Variants in PPP1R1B observed in about 807,000 individuals in gnomAD.
PPP1R1B encodes the protein protein phosphatase 1 regulatory inhibitor subunit 1B.
PPP1R1B carries 13 observed loss-of-function variants against 28.2 expected under a neutral mutation model. The observed-to-expected ratio is 0.46, with a 90% CI of 0.30 to 0.73. PPP1R1B has a LOEUF of 0.73. Ranked by LOEUF, PPP1R1B falls within the 30% of genes least tolerant of loss-of-function variation. PPP1R1B has a pLI of 0.07. For missense variants in PPP1R1B, 236 were observed against 256.7 expected, an observed-to-expected ratio of 0.92 and a Z score of 0.55; for synonymous variants, 102 against 97.5, an observed-to-expected ratio of 1.05 and a Z score of -0.27.
chr17:39,627,374 A>G lies in PPP1R1B; in HGVS notation c.-19A>G. 6.4e-7 allele frequency: 1 copy of G among 1,567,632 alleles called. No individual in the cohort carries two copies. On this transcript the variant is annotated 5_prime_UTR_variant, in exon 1 of 7. Coordinates refer to ENST00000254079, the MANE Select transcript of PPP1R1B (RefSeq NM_032192.4). ...ACCCCGAGTCGCGCACCCCAGCCCCACCGCCCACCCCGCGCGCCATGGACC... is the reference window on the plus strand; with the variant it reads ...ACCCCGAGTCGCGCACCCCAGCCCCGCCGCCCACCCCGCGCGCCATGGACC...
chr17:39,629,400 G>A (rs935354696), intron 2 of PPP1R1B, 140 bp from the exon 3 acceptor site: 8 of 1,301,314 alleles, frequency 6.1e-6, no homozygotes, highest in East Asian at 2.3e-5. Flanking sequence ...CCTCCCAGCC[G>A]CAGGAGGGAG....
At chr17:39,629,328 A>C in intron 2 of PPP1R1B, 98 bp downstream of exon 2, 1 of 1,377,390 alleles carries the variant, frequency 7.3e-7, no homozygotes. Flanking sequence ...TCAAAGCTGG[A>C]GACTGGGGAG....
At chr17:39,630,829 G>A (rs2056871796) in intron 4 of PPP1R1B, among the ~76,000 whole-genome samples, 1 of 152,246 alleles carries the variant, frequency 6.6e-6, no homozygotes, top group Non-Finnish European at 1.5e-5. Context: ...CAGCACTTTG[G>A]GAGGCCGAGG....
intron 5 of PPP1R1B, among the ~76,000 whole-genome samples, chr17:39,634,755 A>C (rs984194397): frequency 6.6e-6 from 1 of 152,272 alleles, no homozygotes; most frequent in Non-Finnish European, 1.5e-5. Context: ...CATATCTGGC[A>C]GTGAAGAGAT....
rs921638810 is a variant in PPP1R1B at position 39,635,976 on chromosome 17, G to A, written c.*111G>A. On this transcript the variant is annotated 3_prime_UTR_variant, in exon 7 of 7. Coordinates refer to ENST00000254079, the MANE Select transcript of PPP1R1B (RefSeq NM_032192.4). ...TCTTCCCCTCGCCTGCTAGGGCTGC[G>A]GCTTCTGACTTCTAGAAGACTAAGG... The A allele has an allele frequency of 9.1e-6, 11 of 1,210,398 alleles. No homozygotes were observed. Among genetic ancestry groups the A allele is most frequent in the African/African-American group, 7.5e-5 (5 of 66,266 alleles). The allele number at this position is 1,210,398 out of a possible 1,614,324, so 75.0% of individuals were successfully genotyped here.
chr17:39,634,078 G>A lies in PPP1R1B; in HGVS notation c.437G>A (p.Arg146Lys), dbSNP rs180955049. 4 of 1,613,832 alleles carry A rather than the reference G, an allele frequency of 2.5e-6. No individual in the cohort carries two copies. The African/African-American group carries it at 5.3e-5, about 22-fold the overall frequency. ...DSQAEVLKVI[R>K]QSAGQKTTCG... ...CAGGCTGAAGTCCTGAAGGTCATCA[G>A]GCAGTCTGGTAAGCTGAGGGGCCTG... Residue 146 changes from arginine to lysine, a missense_variant, in exon 5 of 7, where the codon AGG becomes AAG. By Grantham distance (26) the Arg-to-Lys change is conservative. Transcript: ENST00000254079.
intron 1 of PPP1R1B, among the ~76,000 whole-genome samples, chr17:39,628,884 A>T (rs1017177676): frequency 2.0e-5 from 3 of 152,194 alleles, no homozygotes; most frequent in Non-Finnish European, 4.4e-5. Context: ...TGGAGTAGCC[A>T]TGGAGTGGGA....
chr17:39,630,170 C>T lies in PPP1R1B; in HGVS notation c.241+123C>T, dbSNP rs141350234. 2,771 of 938,068 alleles carry T rather than the reference C, an allele frequency of 3.0e-3. 58 individuals carry two copies. In the Middle Eastern group the frequency reaches 0.079, roughly 27 times the overall value. 58.1% of individuals were successfully genotyped at this position (938,068 alleles called of 1,614,324 possible). Reference sequence around the variant, plus strand: ...CACACATAGCCCGCTGTCAGCGTGGCGCAACAACCCAACGTAAAGACCAAT... The same window carrying T: ...CACACATAGCCCGCTGTCAGCGTGGTGCAACAACCCAACGTAAAGACCAAT... On this transcript the variant is annotated intron_variant, in intron 4 of 6. Coordinates refer to ENST00000254079, the MANE Select transcript of PPP1R1B (RefSeq NM_032192.4).
chr17:39,635,870 C>T lies in PPP1R1B; in HGVS notation c.*5C>T. 3.1e-6 allele frequency: 5 copies of T among 1,612,444 alleles called. No homozygotes were observed. Among genetic ancestry groups the T allele is most frequent in the Non-Finnish European group, 4.2e-6 (5 of 1,179,924 alleles). ...CCCTCTGAGCCTGGCACATAGGCAC[C>T]CAGCCTGCATCTCCCAGGAGGAAGT... On this transcript the variant is annotated 3_prime_UTR_variant, in exon 7 of 7. Coordinates refer to ENST00000254079, the MANE Select transcript of PPP1R1B (RefSeq NM_032192.4).
intron 4 of PPP1R1B, chr17:39,630,324 C>T (rs973993651): frequency 9.0e-6 from 4 of 445,272 alleles, no homozygotes; most frequent in Non-Finnish European, 1.7e-5. Context: ...CAGGCATCCG[C>T]GTGGAAGGGA....
intron 4 of PPP1R1B, among the ~76,000 whole-genome samples, chr17:39,631,561 C>T (rs1291032637): frequency 2.0e-5 from 3 of 151,998 alleles, no homozygotes; most frequent in Non-Finnish European, 4.4e-5. Context: ...TCCGCTCCTG[C>T]GGAGGTTGGG....
At position 39,634,057 on chromosome 17, in the gene PPP1R1B, C is replaced by A. The variant is rs1421049807; in HGVS notation, c.416C>A (p.Ala139Asp). 2 of 1,613,894 alleles carry A rather than the reference C, an allele frequency of 1.2e-6. No homozygotes were observed. ...GAGGAAGAAGAAGAGGACAGCCAGGCTGAAGTCCTGAAGGTCATCAGGCAG... is the reference window on the plus strand; with the variant it reads ...GAGGAAGAAGAAGAGGACAGCCAGGATGAAGTCCTGAAGGTCATCAGGCAG... ...EEEEEEEDSQ[A>D]EVLKVIRQSA... Residue 139 changes from alanine to aspartate, a missense_variant, in exon 5 of 7, where the codon GCT becomes GAT. Transcript: ENST00000254079.
intron 1 of PPP1R1B, chr17:39,628,782 T>C: frequency 3.3e-6 from 3 of 896,160 alleles, no homozygotes; most frequent in Non-Finnish European, 4.1e-6. Flanking sequence ...GCTGGAGCTG[T>C]AGCCAGCTTT....
chr17:39,629,677 G>C, intron 3 of PPP1R1B, 115 bp downstream of exon 3: 1 of 1,055,266 alleles, frequency 9.5e-7, no homozygotes, highest in Non-Finnish European at 1.4e-6. Context: ...GGACACATTA[G>C]CATATCAATG....
At chr17:39,632,985 C>G (rs1234725652) in intron 4 of PPP1R1B, 1 of 152,730 alleles carries the variant, frequency 6.5e-6, no homozygotes, top group Non-Finnish European at 1.5e-5. Flanking sequence ...GTTCTAAGAT[C>G]CTGCCAGCTC....
Position 39,633,922 on chromosome 17 carries a change from G to A in PPP1R1B, c.281G>A (p.Ser94Asn), listed in dbSNP as rs2056896961. The A allele has an allele frequency of 1.2e-6, 2 of 1,613,918 alleles. No individual in the cohort carries two copies. The highest frequency in any genetic ancestry group is 1.7e-6 in the Non-Finnish European group (2 of 1,179,876). ...GCTGAGTCTCACCTGCAGTCTATCA[G>A]CAATTTGAATGAGAACCAGGCCTCA... Reference protein sequence around the residue: ...RIAESHLQSISNLNENQASEE... With the variant: ...RIAESHLQSINNLNENQASEE... The change falls in exon 5 of 7, where the codon AGC (serine) becomes AAC (asparagine). Residue 94 changes from serine to asparagine, a missense_variant. Physicochemically the swap from Ser to Asn is conservative, Grantham distance 46 (BLOSUM62 1). Transcript: ENST00000254079.
intron 2 of PPP1R1B, 94 bp from the exon 3 acceptor site, chr17:39,629,446 C>A: frequency 6.5e-7 from 1 of 1,540,256 alleles, no homozygotes; most frequent in Non-Finnish European, 9.0e-7. Flanking sequence ...GATTGAGACC[C>A]TGGGGAAAAT....
chr17:39,628,853 T>C (rs1181932101), intron 1 of PPP1R1B: 1 of 423,914 alleles, frequency 2.4e-6, no homozygotes. Flanking sequence ...TGGGAGAAGA[T>C]AGGAAGGGAG....
Position 39,636,069 on chromosome 17 carries a change from A to G in PPP1R1B, c.*204A>G, listed in dbSNP as rs763118904. On this transcript the variant is annotated 3_prime_UTR_variant, in exon 7 of 7. Transcript: ENST00000254079. ...AGAGAACCTGGGCACTTGCTGCCTG[A>G]TGCCCACCCCTGCCAGTCATTCCTC... 2 of 591,424 alleles carry G rather than the reference A, an allele frequency of 3.4e-6. No individual in the cohort carries two copies. The highest frequency in any genetic ancestry group is 5.9e-6 in the Non-Finnish European group (2 of 336,284). The allele number at this position is 591,424 out of a possible 1,614,324, so 36.6% of individuals were successfully genotyped here.
Sources: gnomAD v4.1 joint callset for allele counts (sites outside exome capture counted in the v4.1 genomes callset) on GRCh38, gnomAD v4.1.1 for gene constraint, MANE v1.5 for transcripts, NCBI Gene and HGNC (gene_info 2026-07-23, HGNC 2026-07-21) for gene names.